MBOAT7: variants seen among roughly 807,000 people sequenced by gnomAD.
The protein encoded by MBOAT7 is membrane bound acylglycerophosphatidylinositol O-acyltransferase MBOAT7.
A neutral mutation model predicts 47.4 loss-of-function variants in MBOAT7; 40 were observed. That is an observed-to-expected ratio of 0.84 (90% CI 0.66 to 1.10). The LOEUF (loss-of-function observed/expected upper bound fraction) is 1.10, where lower values mean the gene tolerates loss of function less well. Among genes scored for constraint, MBOAT7 ranks in the 50% least tolerant of loss-of-function variants. The probability of loss-of-function intolerance (pLI) is 0.00; values close to 1 mark genes in which losing one functional copy is unlikely to be tolerated. For missense variants in MBOAT7, 680 were observed against 655.6 expected (o/e 1.04, Z -0.41); for synonymous variants, 361 against 292.0 (o/e 1.24, Z -2.41).
rs1188748730 is a variant in MBOAT7, at chr19:54,174,040, C to G, written c.*4G>C. ...CCAGCTGGCAGAGGGAGCGTCGTGACAGCTTACTCCTCCCGGAGCTTCTCC... is the reference window on the plus strand; with the variant it reads ...CCAGCTGGCAGAGGGAGCGTCGTGAGAGCTTACTCCTCCCGGAGCTTCTCC... On this transcript the variant is annotated 3_prime_UTR_variant, in exon 8 of 8. Transcript: ENST00000245615. 1 of 1,572,042 alleles carries G rather than the reference C, an allele frequency of 6.4e-7. No individual in the cohort carries two copies. Among genetic ancestry groups the G allele is most frequent in the Admixed American group, 1.9e-5 (1 of 51,352 alleles).
At chr19:54,182,089 G>T (rs1457249989) in intron 5 of MBOAT7, among the ~76,000 whole-genome samples, 1 of 151,802 alleles carries the variant, frequency 6.6e-6, no homozygotes, top group African/African-American at 2.4e-5. Context: ...AGGAAGGAAA[G>T]AAACTAGGAG....
intron 6 of MBOAT7, chr19:54,179,871 C>G (rs1568794927): frequency 6.6e-6 from 1 of 152,168 alleles, no homozygotes. Context: ...CAGCCGCAGT[C>G]CAAGCCCCTG....
chr19:54,180,639 A>AG lies in MBOAT7; in HGVS notation c.854+133dup. 1.2e-6 allele frequency: 1 copy of AG among 815,958 alleles called. No individual in the cohort carries two copies. Among genetic ancestry groups the AG allele is most frequent in the Non-Finnish European group, 1.8e-6 (1 of 542,552 alleles). The allele number at this position is 815,958 out of a possible 1,614,324, so 50.5% of individuals were successfully genotyped here. On this transcript the variant is annotated intron_variant, in intron 6 of 7. Transcript: ENST00000245615. This position sits in a 1 kb window ranked among gnomAD's most constrained non-coding sequence, Gnocchi z 5.2. ...AGGGGCTGGCAGGCCATGGTTGCCG[A>AG]GGGGGCGACACTCTGCTCAAAAAGG...
At chr19:54,182,391 A>G (rs1363324260) in intron 5 of MBOAT7, among the ~76,000 whole-genome samples, 1 of 152,158 alleles carries the variant, frequency 6.6e-6, no homozygotes, top group African/African-American at 2.4e-5. Context: ...GGGATGATGG[A>G]CATGGGGTTT....
In MBOAT7 at chr19:54,183,647, G is replaced by C. The variant is rs749384105; in HGVS notation, c.367C>G (p.His123Asp). ...VSLASEVQDL[H>D]LAQRKEMASG... ...GCCATTTCCTTCCTCTGGGCCAGAT[G>C]CAGGTCCTGGACTTCACTGGCCAGG... Residue 123 changes from histidine to aspartate, a missense_variant, in exon 5 of 8, where the codon CAT (histidine) becomes GAT (aspartate). By Grantham distance (81) the His-to-Asp change is moderately conservative. Coordinates refer to ENST00000245615, the MANE Select transcript of MBOAT7 (RefSeq NM_024298.5). 2.5e-6 allele frequency: 4 copies of C among 1,597,828 alleles called. No individual in the cohort carries two copies. The highest frequency in any genetic ancestry group is 2.6e-6 in the Non-Finnish European group (3 of 1,172,816).
chr19:54,174,482 C>T (rs2146951460), intron 7 of MBOAT7, 51 bp from the exon 8 acceptor site: 2 of 1,465,824 alleles, frequency 1.4e-6, no homozygotes, highest in East Asian at 2.5e-5. Flanking sequence ...CCCCAGTGCC[C>T]ACTGCCCCCA....
chr19:54,174,229 T>C lies in MBOAT7; in HGVS notation c.1234A>G (p.Met412Val). 3.1e-6 allele frequency: 5 copies of C among 1,604,138 alleles called. No homozygotes were observed. Among genetic ancestry groups the C allele is most frequent in the Middle Eastern group, 3.3e-4 (2 of 5,992 alleles). The change falls in exon 8 of 8, where the codon ATG (methionine) becomes GTG (valine). Residue 412 changes from methionine to valine, a missense_variant. Transcript: ENST00000245615. ...LKMRAYDYMC[M>V]GFVLLSLADT... is the part of the protein sequence containing the mutation. ...GCCAAGGAGAGCAGCACGAAGCCCATGCACATGTAGTCATAGGCGCGCATC... is the reference window on the plus strand; with the variant it reads ...GCCAAGGAGAGCAGCACGAAGCCCACGCACATGTAGTCATAGGCGCGCATC...
chr19:54,175,054 C>T (rs1479796356), intron 7 of MBOAT7, among the ~76,000 whole-genome samples: 1 of 149,538 alleles, frequency 6.7e-6, no homozygotes, highest in African/African-American at 2.5e-5. Flanking sequence ...TGGCTCACTG[C>T]AAGCTCCGCC....
intron 6 of MBOAT7, 108 bp from the exon 7 acceptor site, chr19:54,179,049 A>T: frequency 2.8e-6 from 4 of 1,444,040 alleles, no homozygotes; most frequent in Non-Finnish European, 3.7e-6. Flanking sequence ...GATCCTGGCC[A>T]GGCAATGGCC....
At chr19:54,178,153 AC>A in intron 7 of MBOAT7, 1 of 813,158 alleles carries the variant, frequency 1.2e-6, no homozygotes, top group Non-Finnish European at 1.5e-6. Context: ...CTCATGATCC[AC>A]CTGCTTGGGC....
chr19:54,178,931 C>T lies in MBOAT7; in HGVS notation c.865G>A (p.Ala289Thr), dbSNP rs373026642. Reference sequence around the variant, plus strand: ...TCATAGTCATACTCCAAGGAAGCCGCCTTCTCCGGACTGGGGGGTGGAGGA... The same window carrying T: ...TCATAGTCATACTCCAAGGAAGCCGTCTTCTCCGGACTGGGGGGTGGAGGA... ...QCPPPSSPEK[A>T]ASLEYDYETI... The change falls in exon 7 of 8, where the codon GCG (alanine) becomes ACG (threonine). Residue 289 changes from alanine to threonine, a missense_variant. Transcript: ENST00000245615. 2 of 1,612,806 alleles carry T rather than the reference C, an allele frequency of 1.2e-6. No homozygotes were observed. The highest frequency in any genetic ancestry group is 2.7e-5 in the African/African-American group (2 of 74,932).
rs770373656 is a variant in MBOAT7 at position 54,184,161 on chromosome 19, C to CT, written c.334-482dup. Among the ~76,000 whole-genome samples, 598 of 103,920 alleles carry CT rather than the reference C, an allele frequency of 5.8e-3. 4 individuals are homozygous for CT. The highest frequency in any genetic ancestry group is 0.015 in the African/African-American group (403 of 27,736). The allele number at this position is 103,920 out of a possible 152,430, so 68.2% of individuals were successfully genotyped here. ...AAATCCGATCCTTTAATCTCTCTCT[C>CT]TTTTTTTTTTTTTTTTTTTTTGAGA... On this transcript the variant is annotated intron_variant, in intron 4 of 7. Transcript: ENST00000245615.
intron 1 of MBOAT7, among the ~76,000 whole-genome samples, chr19:54,188,872 CTT>C (rs1328700234): frequency 6.6e-6 from 1 of 152,156 alleles, no homozygotes; most frequent in Non-Finnish European, 1.5e-5. Context: ...AGACGCCCCT[CTT>C]TTAAAAACCC....
intron 7 of MBOAT7, 40 bp from the exon 8 acceptor site, chr19:54,174,471 TCCCCAGTGCCCACTGC>T (rs1315601340): frequency 6.8e-7 from 1 of 1,478,828 alleles, no homozygotes; most frequent in African/African-American, 1.4e-5. Flanking sequence ...CGAGTCCAGG[TCCCCAGTGCCCACTGC>T]CCCCAGATCC....
At chr19:54,176,556 C>G (rs1310988771) in intron 7 of MBOAT7, among the ~76,000 whole-genome samples, 1 of 151,996 alleles carries the variant, frequency 6.6e-6, no homozygotes, top group Non-Finnish European at 1.5e-5. Flanking sequence ...AACGATGGAT[C>G]CTGTGCATTT....
chr19:54,174,516 C>G (rs1438395494), intron 7 of MBOAT7, 85 bp from the exon 8 acceptor site: 1 of 1,358,218 alleles, frequency 7.4e-7, no homozygotes, highest in Non-Finnish European at 9.7e-7. Flanking sequence ...AGGACCCCAG[C>G]CCCTCCTCCC....
chr19:54,188,032 A>AG (rs1271608299), intron 3 of MBOAT7, among the ~76,000 whole-genome samples, 185 bp downstream of exon 3: 1 of 113,864 alleles, frequency 8.8e-6, no homozygotes, highest in African/African-American at 3.9e-5. Flanking sequence ...AAAGAAAGAA[A>AG]GAAAGAAAGA....
intron 5 of MBOAT7, among the ~76,000 whole-genome samples, chr19:54,182,093 C>T (rs1008382454): frequency 2.0e-5 from 3 of 151,204 alleles, no homozygotes; most frequent in East Asian, 3.9e-4. Flanking sequence ...AGGAAAGAAA[C>T]TAGGAGATAG....
At chr19:54,186,783 C>G (rs574801461) in intron 4 of MBOAT7, among the ~76,000 whole-genome samples, 18 of 152,306 alleles carry the variant, frequency 1.2e-4, no homozygotes, top group Non-Finnish European at 1.9e-4. Context: ...CCTGGATGCC[C>G]TAGTTTTGTT....
Sources: allele counts gnomAD v4.1 joint callset (sites outside exome capture counted in the v4.1 genomes callset), GRCh38; gene constraint gnomAD v4.1.1; non-coding constraint Gnocchi (gnomAD v3.1); transcripts MANE v1.5; gene names NCBI Gene and HGNC (gene_info 2026-07-23, HGNC 2026-07-21).